TVP23C: variants seen among roughly 807,000 people sequenced by gnomAD.
TVP23C encodes trans-golgi network vesicle protein 23 homolog C.
A neutral mutation model predicts 28.7 loss-of-function variants in TVP23C; 19 were observed. That is an observed-to-expected ratio of 0.66 (90% CI 0.46 to 0.97). The LOEUF (loss-of-function observed/expected upper bound fraction) is 0.97, where lower values mean the gene tolerates loss of function less well. Among genes scored for constraint, TVP23C ranks in the 50% least tolerant of loss-of-function variants. The pLI, the probability that TVP23C is intolerant of heterozygous loss-of-function variation, is 0.00. For missense variants in TVP23C, 186 were observed against 241.3 expected (o/e 0.77, Z 1.52); for synonymous variants, 68 against 81.7 (o/e 0.83, Z 0.90).
At chr17:15,558,116 G>A (rs1984214948) in intron 1 of TVP23C, among the ~76,000 whole-genome samples, 1 of 149,430 alleles carries the variant, frequency 6.7e-6, no homozygotes, top group African/African-American at 2.4e-5. Context: ...TAATTGCTTT[G>A]AGGTGTGATC....
chr17:15,553,848 T>C lies in TVP23C; in HGVS notation c.96-19A>G, dbSNP rs1188894386. On this transcript the variant is annotated intron_variant, in intron 2 of 5. Coordinates refer to ENST00000518321, the MANE Select transcript of TVP23C (RefSeq NM_001135036.2). ...TGGATGTCTGAAAACCAAAACACAA[T>C]GAAAGAAATGCAATTACATTTTACT... The C allele has an allele frequency of 6.2e-7, 1 of 1,613,092 alleles. No individual in the cohort carries two copies.
intron 1 of TVP23C, among the ~76,000 whole-genome samples, chr17:15,558,311 AC>A (rs1379656185): frequency 1.4e-5 from 2 of 142,398 alleles, no homozygotes; most frequent in Non-Finnish European, 3.1e-5. Flanking sequence ...CCCTATCATG[AC>A]CTATCATGAT....
intron 5 of TVP23C, among the ~76,000 whole-genome samples, chr17:15,510,039 C>CT (rs34832972): frequency 1.3e-5 from 2 of 152,174 alleles, no homozygotes; most frequent in Non-Finnish European, 2.9e-5. Flanking sequence ...GAGACGTTGA[C>CT]TTTTTTAAAA....
chr17:15,541,252 T>C (rs551914895), intron 5 of TVP23C, among the ~76,000 whole-genome samples: 15 of 152,234 alleles, frequency 9.9e-5, no homozygotes, highest in African/African-American at 3.6e-4. Flanking sequence ...ATTAGAAAAA[T>C]TGAGACAATG....
chr17:15,537,840 A>G lies in TVP23C; in HGVS notation c.*2572T>C. On this transcript the variant is annotated 3_prime_UTR_variant, in exon 6 of 6. Transcript: ENST00000518321. ...ATGAACACTTTCATTAACTTGGGAT[A>G]TACAGGTATTACATGGCCGTGTGCA... is the stretch of plus-strand genomic sequence containing the variant. 8.1e-7 allele frequency: 1 copy of G among 1,242,038 alleles called. No individual in the cohort carries two copies. The highest frequency in any genetic ancestry group is 1.0e-6 in the Non-Finnish European group (1 of 991,848). 76.9% of individuals were successfully genotyped at this position (1,242,038 alleles called of 1,614,324 possible). A position where few individuals can be genotyped will look rare whatever the true frequency, so the allele number is the denominator to read the frequency against.
rs535849455 is a variant in TVP23C at position 15,554,164 on chromosome 17, G to A, written c.96-335C>T. Among the ~76,000 whole-genome samples, 258 of 151,758 alleles carry A rather than the reference G, an allele frequency of 1.7e-3. 2 individuals are homozygous for A. Among genetic ancestry groups the A allele is most frequent in the African/African-American group, 5.0e-3 (205 of 41,386 alleles). On this transcript the variant is annotated intron_variant, in intron 2 of 5. Transcript: ENST00000518321. ...AATTTGAATCCTATTTTCAAATCAC[G>A]CCAAAAGAATTCCTTAGCCCTCAGA...
At chr17:15,521,598 G>A (rs1356960712) in intron 5 of TVP23C, among the ~76,000 whole-genome samples, 1 of 152,216 alleles carries the variant, frequency 6.6e-6, no homozygotes, top group African/African-American at 2.4e-5. Context: ...GAAAAGAGAG[G>A]CATGAAAGAG....
intron 5 of TVP23C, among the ~76,000 whole-genome samples, chr17:15,524,063 G>GGTGTGTGTGTGT (rs10578424): frequency 3.6e-4 from 49 of 136,348 alleles, no homozygotes; most frequent in South Asian, 1.0e-3. Flanking sequence ...AGCAGAGTGG[G>GGTGTGTGTGTGT]GTGTGTGTGT....
intron 3 of TVP23C, among the ~76,000 whole-genome samples, chr17:15,547,515 A>C (rs1360823759): frequency 1.3e-5 from 2 of 152,204 alleles, no homozygotes; most frequent in Non-Finnish European, 2.9e-5. Context: ...TTACAACTAC[A>C]TATCCCTGAA....
chr17:15,534,949 C>G (rs1983096974), downstream of TVP23C, among the ~76,000 whole-genome samples: 1 of 151,260 alleles, frequency 6.6e-6, no homozygotes, highest in Non-Finnish European at 1.5e-5. Context: ...GCCTGGGCAA[C>G]AAGAGAGAAA....
rs924881376 is a variant in TVP23C, at chr17:15,510,357, C to T, written c.463-7125G>A. On this transcript the variant is annotated intron_variant, in intron 5 of 5. Coordinates refer to the TVP23C transcript ENST00000225576. Reference sequence around the variant, plus strand: ...CGAACAGACACTTATCAACACAAGACGTACAAGCGGCCAATAAACATGAGA... The same window carrying T: ...CGAACAGACACTTATCAACACAAGATGTACAAGCGGCCAATAAACATGAGA... Among the ~76,000 whole-genome samples, 4 of 152,278 alleles carry T rather than the reference C, an allele frequency of 2.6e-5. No individual in the cohort carries two copies. The South Asian group carries it at 8.3e-4, about 32-fold the overall frequency.
At chr17:15,503,771 G>T (rs1434442921) in intron 5 of TVP23C, among the ~76,000 whole-genome samples, 1 of 152,166 alleles carries the variant, frequency 6.6e-6, no homozygotes, top group Non-Finnish European at 1.5e-5. Flanking sequence ...GGTTGTTATG[G>T]TTAGGAAAAG....
At chr17:15,502,591 C>T in exon 6 of TVP23C, 1 of 433,552 alleles carries the variant, frequency 2.3e-6, no homozygotes, top group Non-Finnish European at 3.9e-6. Flanking sequence ...CCCTGCCCCA[C>T]AAAGCAGGCG....
At chr17:15,502,431 G>C (rs991102000) in exon 6 of TVP23C, 2 of 164,710 alleles carry the variant, frequency 1.2e-5, no homozygotes, top group African/African-American at 4.8e-5. Context: ...ACGCAGAGAA[G>C]GTGGAGGTCT....
At chr17:15,507,157 T>C (rs1461376445) in intron 5 of TVP23C, 2 of 785,354 alleles carry the variant, frequency 2.5e-6, no homozygotes, top group South Asian at 1.3e-5. Flanking sequence ...ATCTTGTCCA[T>C]GGCAAATGCA....
chr17:15,555,364 C>G lies in TVP23C; in HGVS notation c.13G>C (p.Asp5His). The G allele has an allele frequency of 6.2e-7, 1 of 1,613,948 alleles. No homozygotes were observed. Among genetic ancestry groups the G allele is most frequent in the Non-Finnish European group, 8.5e-7 (1 of 1,179,858 alleles). The change falls in exon 2 of 6, where the codon GAT (aspartate) becomes CAT (histidine). Residue 5 changes from aspartate (D) to histidine (H), a missense_variant and splice_region_variant. Transcript: ENST00000518321. Reference sequence around the variant, plus strand: ...ACATCTTCAGTGTCATCATTACTATCCTGGTTGGAAAAATAAATGGTCAAG... The same window carrying G: ...ACATCTTCAGTGTCATCATTACTATGCTGGTTGGAAAAATAAATGGTCAAG... Reference protein sequence around the residue: MLQQDSNDDTEDVSL... With the variant: MLQQHSNDDTEDVSL...
At chr17:15,543,004 G>A (rs1156819156) in intron 5 of TVP23C, among the ~76,000 whole-genome samples, 2 of 152,124 alleles carry the variant, frequency 1.3e-5, no homozygotes, top group Non-Finnish European at 2.9e-5. Context: ...AAAAGACTGG[G>A]CTCACTCTCT....
chr17:15,560,354 C>T (rs1442330202), intron 1 of TVP23C, among the ~76,000 whole-genome samples: 1 of 148,810 alleles, frequency 6.7e-6, no homozygotes, highest in South Asian at 2.2e-4. Context: ...ATGAGCCCTG[C>T]GCCCAGCCAT....
chr17:15,521,883 C>T (rs1368549242), intron 5 of TVP23C, among the ~76,000 whole-genome samples: 1 of 152,160 alleles, frequency 6.6e-6, no homozygotes, highest in Non-Finnish European at 1.5e-5. Flanking sequence ...CTGACCCAAG[C>T]TGAAGGAGTG....
Sources: allele counts gnomAD v4.1 joint callset (sites outside exome capture counted in the v4.1 genomes callset), GRCh38; gene constraint gnomAD v4.1.1; transcripts MANE v1.5; gene names NCBI Gene and HGNC (gene_info 2026-07-23, HGNC 2026-07-21).